Variants in SNAP47 observed in about 807,000 individuals in gnomAD.
SNAP47 encodes the protein synaptosomal-associated protein 47.
A neutral mutation model predicts 31.4 loss-of-function variants in SNAP47; 20 were observed. The ratio of observed to expected loss-of-function variants is 0.64; its 90% CI spans 0.45 to 0.93. The LOEUF is 0.93. SNAP47 is among the 40% of genes least tolerant of loss of function. SNAP47 has a pLI of 0.00. For synonymous variants in SNAP47, 194 were observed against 213.4 expected, an observed-to-expected ratio of 0.91 and a Z score of 0.79; for missense variants, 492 against 528.5, an observed-to-expected ratio of 0.93 and a Z score of 0.68.
At chr1:227,735,399 G>GT, upstream of SNAP47, 1 of 1,570,132 alleles carries the variant, frequency 6.4e-7, no homozygotes, top group Non-Finnish European at 8.6e-7. Flanking sequence ...TGGGGCTCCG[G>GT]GCCTGCACGC....
chr1:227,734,194 G>T, upstream of SNAP47: 1 of 764,392 alleles, frequency 1.3e-6, no homozygotes. Context: ...CGCTGCTGGC[G>T]GGGGAGGGGG....
rs138041602 is a variant in SNAP47, at chr1:227,777,500, C to G, written c.1114-3027C>G. Among the ~76,000 whole-genome samples, 7 of 152,250 alleles carry G rather than the reference C, an allele frequency of 4.6e-5. No individual in the cohort carries two copies. The East Asian group carries it at 9.6e-4, about 21-fold the overall frequency. On this transcript the variant is annotated intron_variant, in intron 4 of 4. Transcript: ENST00000617596. ...GTGGCTCCTGATCCCTGAGTTGTTG[C>G]GGGTCTCTGCTGGGCCTTGCCGTAG...
chr1:227,759,269 A>C lies in SNAP47; in HGVS notation c.772A>C (p.Ile258Leu). The C allele has an allele frequency of 2.5e-6, 4 of 1,614,242 alleles. No individual in the cohort carries two copies. Among genetic ancestry groups the C allele is most frequent in the Non-Finnish European group, 3.4e-6 (4 of 1,180,052 alleles). ...GTTTGAAAGAGAAGACGTGGACGACATCAAGGTCCACTCACCTTACGAAAT... is the reference window on the plus strand; with the variant it reads ...GTTTGAAAGAGAAGACGTGGACGACCTCAAGGTCCACTCACCTTACGAAAT... Reference protein sequence around the residue: ...HRFEREDVDDIKVHSPYEISI... With the variant: ...HRFEREDVDDLKVHSPYEISI... Residue 258 changes from isoleucine (I) to leucine (L), a missense_variant, in exon 3 of 5, where the codon ATC (isoleucine) becomes CTC (leucine). Ile to Leu is a conservative substitution (Grantham distance 5). Transcript: ENST00000617596.
chr1:227,774,442 A>G (rs1664032723), intron 4 of SNAP47, among the ~76,000 whole-genome samples: 1 of 152,020 alleles, frequency 6.6e-6, no homozygotes, highest in African/African-American at 2.4e-5. Context: ...GAGGCTGCAG[A>G]GTGGCCCTCA....
upstream of SNAP47, chr1:227,733,361 C>G: frequency 2.0e-6 from 3 of 1,532,710 alleles, no homozygotes; most frequent in South Asian, 2.5e-5. Flanking sequence ...GGTGGTGCTG[C>G]CGTCTTCCTG....
intron 1 of SNAP47, chr1:227,743,871 T>C (rs1472185491): frequency 6.6e-6 from 1 of 152,200 alleles, no homozygotes; most frequent in African/African-American, 2.4e-5. Flanking sequence ...AAGTCTCGTA[T>C]CTTATTGTGT....
chr1:227,733,520 T>C, upstream of SNAP47: 1 of 1,601,792 alleles, frequency 6.2e-7, no homozygotes, highest in Non-Finnish European at 8.5e-7. Context: ...TGGGTGCAGG[T>C]GTGTGTCGCA....
chr1:227,733,967 A>C (rs776548711), upstream of SNAP47: 1 of 1,613,948 alleles, frequency 6.2e-7, no homozygotes, highest in East Asian at 2.2e-5. Flanking sequence ...TGCATCCCAG[A>C]ACTCATTCAG....
At chr1:227,754,672 C>T (rs1662586294) in intron 2 of SNAP47, among the ~76,000 whole-genome samples, 1 of 152,140 alleles carries the variant, frequency 6.6e-6, no homozygotes. Flanking sequence ...GGCAGGTCAC[C>T]TCACGGCACT....
intron 2 of SNAP47, among the ~76,000 whole-genome samples, chr1:227,753,613 A>C (rs555706154): frequency 2.1e-4 from 32 of 152,282 alleles, no homozygotes; most frequent in African/African-American, 7.5e-4. Context: ...CTCTTTCTGC[A>C]GCCTCTCAGC....
At chr1:227,740,427 G>A (rs570849961) in intron 1 of SNAP47, among the ~76,000 whole-genome samples, 56 of 152,322 alleles carry the variant, frequency 3.7e-4, no homozygotes, top group African/African-American at 1.3e-3. Context: ...GACAGGATGA[G>A]GTCAGGAGGT....
At chr1:227,733,228 T>C (rs565216014), upstream of SNAP47, 2 of 842,602 alleles carry the variant, frequency 2.4e-6, no homozygotes, top group East Asian at 2.7e-5. Flanking sequence ...CCAGAGCAAG[T>C]AGACCCAGGG....
chr1:227,732,494 C>T (rs750040900), upstream of SNAP47: 61 of 1,613,216 alleles, frequency 3.8e-5, no homozygotes, highest in Admixed American at 1.0e-4. Flanking sequence ...AGTCGGGGTG[C>T]GCAACCAAGG....
intron 1 of SNAP47, among the ~76,000 whole-genome samples, chr1:227,738,198 C>T (rs937787364): frequency 3.9e-5 from 6 of 152,068 alleles, no homozygotes; most frequent in Non-Finnish European, 5.9e-5. Context: ...CGCACCACCA[C>T]GCCCAGCTAA....
At chr1:227,756,457 A>G (rs933161301) in intron 2 of SNAP47, among the ~76,000 whole-genome samples, 4 of 152,182 alleles carry the variant, frequency 2.6e-5, no homozygotes, top group Admixed American at 1.3e-4. Context: ...CAAATTAGTC[A>G]CCTTTAAGAA....
chr1:227,773,031 G>A (rs939465094), intron 4 of SNAP47, among the ~76,000 whole-genome samples: 11 of 151,948 alleles, frequency 7.2e-5, no homozygotes, highest in African/African-American at 2.7e-4. Flanking sequence ...CATGATCTCG[G>A]TTCACTGCAA....
Position 227,740,478 on chromosome 1 carries a change from C to T in SNAP47, c.-46+4979C>T, listed in dbSNP as rs117660960. 4.6e-3 allele frequency among the ~76,000 whole-genome samples: 697 copies of T among 152,078 alleles called. 18 individuals are homozygous for T. The South Asian group carries it at 0.056, about 12-fold the overall frequency. On this transcript the variant is annotated intron_variant, in intron 1 of 4. Coordinates refer to ENST00000617596, the MANE Select transcript of SNAP47 (RefSeq NM_053052.4). ...CCAGGTGTGGAGGGAGGGAGGACTG[C>T]CTTGGATGGTGGAACTGTGGAAAGT...
upstream of SNAP47, chr1:227,732,603 C>T (rs1660736156): frequency 1.9e-6 from 3 of 1,613,436 alleles, no homozygotes; most frequent in African/African-American, 1.3e-5. Flanking sequence ...GACCAGGAGC[C>T]TCTTCTCAGC....
Position 227,763,702 on chromosome 1 carries a change from A to G in SNAP47, c.989-3257A>G, listed in dbSNP as rs1049342937. 1.3e-5 allele frequency among the ~76,000 whole-genome samples: 2 copies of G among 152,216 alleles called. No individual in the cohort carries two copies. Among genetic ancestry groups the G allele is most frequent in the Non-Finnish European group, 2.9e-5 (2 of 68,030 alleles). On this transcript the variant is annotated intron_variant, in intron 3 of 4. Coordinates refer to ENST00000617596, the MANE Select transcript of SNAP47 (RefSeq NM_053052.4). This position sits in a 1 kb window ranked among gnomAD's most constrained non-coding sequence, Gnocchi z 4.2. The stretch of plus-strand genomic sequence containing the variant: ...ATTGGTTGAGTGGGAGATGGAGCAC[A>G]CAAGCTGCTGTCTCCTCCATTCAGC...
Sources: allele counts gnomAD v4.1 joint callset (sites outside exome capture counted in the v4.1 genomes callset), GRCh38; gene constraint gnomAD v4.1.1; non-coding constraint Gnocchi (gnomAD v3.1); transcripts MANE v1.5; gene names NCBI Gene and HGNC (gene_info 2026-07-23, HGNC 2026-07-21).